The following DNAH11 variants were observed in gnomAD, a reference collection of about 807,000 sequenced individuals.
The protein encoded by DNAH11 is axonemal beta dynein heavy chain 11.
In DNAH11, 442 loss-of-function variants were observed where a neutral mutation model predicts 526.0. That is an observed-to-expected ratio of 0.84 (90% CI 0.78 to 0.91). DNAH11 has a LOEUF of 0.91. Among genes scored for constraint, DNAH11 ranks in the 40% least tolerant of loss-of-function variants. DNAH11 has a pLI of 0.00. For synonymous variants in DNAH11, 2,461 were observed against 1,935.9 expected (o/e 1.27, Z -7.12); for missense variants, 6,989 against 5,448.7 (o/e 1.28, Z -8.90).
At chr7:21,777,481 A>G (rs1456103092) in intron 56 of DNAH11, among the ~76,000 whole-genome samples, 2 of 152,174 alleles carry the variant, frequency 1.3e-5, no homozygotes, top group Admixed American at 1.3e-4. Flanking sequence ...TTACATTTAT[A>G]GAAAACAGGC....
rs536018591 is a variant in DNAH11 at position 21,575,041 on chromosome 7, A to G, written c.1593+3068A>G. Reference sequence around the variant, plus strand: ...AGGAGTGTGCCACCATGCCCAACTAACTTTTGTATTTTTAATAGAGATGGG... The same window carrying G: ...AGGAGTGTGCCACCATGCCCAACTAGCTTTTGTATTTTTAATAGAGATGGG... On this transcript the variant is annotated intron_variant, in intron 8 of 81. Coordinates refer to ENST00000409508, the MANE Select transcript of DNAH11 (RefSeq NM_001277115.2). 2.6e-5 allele frequency among the ~76,000 whole-genome samples: 4 copies of G among 151,242 alleles called. No homozygotes were observed. The East Asian group carries it at 7.8e-4, about 30-fold the overall frequency.
At chr7:21,744,829 G>A in intron 50 of DNAH11, 41 bp from the exon 51 acceptor site, 1 of 1,573,180 alleles carries the variant, frequency 6.4e-7, no homozygotes, top group Non-Finnish European at 8.6e-7. Context: ...GACCTCTATG[G>A]ATGGTTGACA....
intron 52 of DNAH11, among the ~76,000 whole-genome samples, 154 bp downstream of exon 52, chr7:21,748,896 T>G (rs1786279469): frequency 6.6e-6 from 1 of 152,176 alleles, no homozygotes; most frequent in Non-Finnish European, 1.5e-5. Context: ...TAATTGACCT[T>G]TGGCGGTTTT....
At chr7:21,836,305 CA>C (rs905245988) in intron 65 of DNAH11, among the ~76,000 whole-genome samples, 3 of 151,156 alleles carry the variant, frequency 2.0e-5, no homozygotes, top group Non-Finnish European at 4.4e-5. Flanking sequence ...CAACCTTGAG[CA>C]AAAAAAACAA....
At chr7:21,609,864 C>A (rs1785445968) in intron 20 of DNAH11, among the ~76,000 whole-genome samples, 1 of 152,136 alleles carries the variant, frequency 6.6e-6, no homozygotes, top group South Asian at 2.1e-4. Context: ...AAGGGTGATA[C>A]CCTCATTGGA....
chr7:21,581,175 C>A (rs1227091726), intron 8 of DNAH11, among the ~76,000 whole-genome samples: 1 of 152,146 alleles, frequency 6.6e-6, no homozygotes, highest in Non-Finnish European at 1.5e-5. Context: ...ACTTCAGAGG[C>A]CTTTTGACTA....
chr7:21,900,775 C>A, intron 81 of DNAH11: 1 of 441,044 alleles, frequency 2.3e-6, no homozygotes, highest in East Asian at 4.0e-5. Flanking sequence ...AATCAGCTTA[C>A]TTCCACAGGA....
intron 66 of DNAH11, among the ~76,000 whole-genome samples, chr7:21,844,772 T>C (rs1156298052): frequency 5.9e-5 from 9 of 152,242 alleles, no homozygotes; most frequent in Admixed American, 2.6e-4. Flanking sequence ...CAGGAAATTC[T>C]GGTCCATGCT....
rs530168535 is a variant in DNAH11 at position 21,691,614 on chromosome 7, T to C, written c.6041+733T>C. On this transcript the variant is annotated intron_variant, in intron 35 of 81. Transcript: ENST00000409508. The stretch of plus-strand genomic sequence containing the variant: ...CACCATCCAGAAATAATGATTGTTA[T>C]GTTTTCTAGCCTCCTTTTATAATTT... Among the ~76,000 whole-genome samples, 5 of 152,356 alleles carry C rather than the reference T, an allele frequency of 3.3e-5. No individual in the cohort carries two copies. The South Asian group carries it at 8.3e-4, about 25-fold the overall frequency.
At chr7:21,564,733 G>A (rs1021566170) in intron 6 of DNAH11, among the ~76,000 whole-genome samples, 3 of 152,118 alleles carry the variant, frequency 2.0e-5, no homozygotes, top group African/African-American at 7.2e-5. Context: ...CAGAAACACT[G>A]GCTGATAAAA....
chr7:21,654,751 C>G (rs1454349373), intron 28 of DNAH11, among the ~76,000 whole-genome samples: 1 of 152,146 alleles, frequency 6.6e-6, no homozygotes, highest in African/African-American at 2.4e-5. Flanking sequence ...GCCGCCCCTG[C>G]CCTTTACTCA....
chr7:21,591,744 A>G lies in DNAH11; in HGVS notation c.2667+167A>G, dbSNP rs1784696406. On this transcript the variant is annotated intron_variant, in intron 14 of 81. Coordinates refer to ENST00000409508, the MANE Select transcript of DNAH11 (RefSeq NM_001277115.2). ...GAGGAATTTGTGTTACTTGCCTGCAATTTCTGTAGCCCTCACCACTGTCAT... is the reference window on the plus strand; with the variant it reads ...GAGGAATTTGTGTTACTTGCCTGCAGTTTCTGTAGCCCTCACCACTGTCAT... Among the ~76,000 whole-genome samples the G allele has an allele frequency of 2.6e-5, 4 of 152,146 alleles. No individual in the cohort carries two copies. In the South Asian group the frequency reaches 6.2e-4, roughly 24 times the overall value.
chr7:21,786,721 T>G lies in DNAH11; in HGVS notation c.9695T>G (p.Val3232Gly), dbSNP rs766394490. The G allele has an allele frequency of 2.5e-5, 41 of 1,613,492 alleles. No homozygotes were observed. Among genetic ancestry groups the G allele is most frequent in the Admixed American group, 1.7e-5 (1 of 59,960 alleles). Residue 3232 changes from valine to glycine, a missense_variant, in exon 59 of 82, where the codon GTG becomes GGG. Val to Gly is a moderately radical substitution (Grantham distance 109). Coordinates refer to ENST00000409508, the MANE Select transcript of DNAH11 (RefSeq NM_001277115.2). ...GTCCTTCTGGCTCCTCGGGGAAGAG[T>G]GCCCAAAGACCGAAGTTGGAAAGCA... ...VMVLLAPRGR[V>G]PKDRSWKAAK...
At chr7:21,596,360 T>A (rs1391101280) in intron 14 of DNAH11, among the ~76,000 whole-genome samples, 1 of 152,212 alleles carries the variant, frequency 6.6e-6, no homozygotes, top group Non-Finnish European at 1.5e-5. Flanking sequence ...CTGGAGAGAA[T>A]CTCAGGGGTG....
chr7:21,724,838 A>T (rs1466674255), intron 44 of DNAH11, among the ~76,000 whole-genome samples: 3 of 135,932 alleles, frequency 2.2e-5, no homozygotes, highest in Admixed American at 1.5e-4. Context: ...CATCATGTGG[A>T]TATGGCAGTG....
intron 65 of DNAH11, among the ~76,000 whole-genome samples, chr7:21,840,035 G>T (rs1195862369): frequency 6.6e-6 from 1 of 152,174 alleles, no homozygotes; most frequent in Non-Finnish European, 1.5e-5. Context: ...AAATAACACA[G>T]CCAGTGGTTC....
intron 70 of DNAH11, among the ~76,000 whole-genome samples, chr7:21,866,049 T>C (rs1289079480): frequency 6.6e-6 from 1 of 152,204 alleles, no homozygotes; most frequent in Non-Finnish European, 1.5e-5. Context: ...CTTTATGACC[T>C]GTATCTTGTG....
At chr7:21,754,402 C>T (rs969833434) in intron 54 of DNAH11, among the ~76,000 whole-genome samples, 1 of 152,030 alleles carries the variant, frequency 6.6e-6, no homozygotes, top group Admixed American at 6.6e-5. Context: ...TATCCATCAG[C>T]CTTTTTCTTT....
rs751374415 is a variant in DNAH11 at position 21,570,295 on chromosome 7, T to C, written c.1421T>C (p.Ile474Thr). 1 of 1,593,568 alleles carries C rather than the reference T, an allele frequency of 6.3e-7. No homozygotes were observed. The highest frequency in any genetic ancestry group is 2.2e-5 in the East Asian group (1 of 44,728). Residue 474 changes from isoleucine to threonine, a missense_variant, in exon 7 of 82, where the codon ATA becomes ACA. Coordinates refer to ENST00000409508, the MANE Select transcript of DNAH11 (RefSeq NM_001277115.2). ...FDKFLDRLIK[I>T]EDIFATTLEF... ...AAGTTTCTTGATCGTTTAATAAAAATAGAGGTATTCATTTTTTGATTTTAT... is the reference window on the plus strand; with the variant it reads ...AAGTTTCTTGATCGTTTAATAAAAACAGAGGTATTCATTTTTTGATTTTAT...
Sources: allele counts gnomAD v4.1 joint callset (sites outside exome capture counted in the v4.1 genomes callset), GRCh38; gene constraint gnomAD v4.1.1; transcripts MANE v1.5; gene names NCBI Gene and HGNC (gene_info 2026-07-23, HGNC 2026-07-21).